The following MRGPRX3 variants were observed in gnomAD, a reference collection of about 807,000 sequenced individuals.
MRGPRX3 encodes MAS related GPR family member X3, also known as mas-related G protein-coupled receptor member X3.
A neutral mutation model predicts 16.5 loss-of-function variants in MRGPRX3; 14 were observed. The ratio of observed to expected loss-of-function variants is 0.85; its 90% confidence interval spans 0.56 to 1.33. MRGPRX3 has a LOEUF of 1.33. Ranked by LOEUF, MRGPRX3 falls within the 40% of genes most tolerant of loss-of-function variation. The pLI is 0.00. For synonymous variants in MRGPRX3, 199 were observed against 180.1 expected (o/e 1.10, Z -0.84); for missense variants, 449 against 413.0 (o/e 1.09, Z -0.76).
chr11:18,134,053 A>G (rs1380971847), intron 1 of MRGPRX3, among the ~76,000 whole-genome samples: 1 of 152,158 alleles, frequency 6.6e-6, no homozygotes, highest in Non-Finnish European at 1.5e-5. Context: ...GGCTTTCTCT[A>G]TCTGATTGAT....
At chr11:18,131,913 T>C (rs376545127), upstream of MRGPRX3, among the ~76,000 whole-genome samples, 223 of 152,022 alleles carry the variant, frequency 1.5e-3, no homozygotes, top group South Asian at 0.011. Flanking sequence ...AGGGGAAGGA[T>C]GGAAGAGAGG....
rs2134079573 is a variant in MRGPRX3 at position 18,125,021 on chromosome 11, G to A, written c.-152+3857G>A. ...CTGATGGTAGTTTGTATTTCTGTGG[G>A]ATCGATGGTGATATTCCCTTTATCA... On this transcript the variant is annotated intron_variant, in intron 1 of 2. Coordinates refer to the MRGPRX3 transcript ENST00000396275. Among the ~76,000 whole-genome samples, 3 of 152,252 alleles carry A rather than the reference G, an allele frequency of 2.0e-5. No homozygotes were observed. The South Asian group carries it at 6.2e-4, about 32-fold the overall frequency.
At chr11:18,130,287 C>T (rs1035610965), upstream of MRGPRX3, among the ~76,000 whole-genome samples, 2 of 152,136 alleles carry the variant, frequency 1.3e-5, no homozygotes, top group African/African-American at 2.4e-5. Context: ...ACCCTAAAGA[C>T]TCATCCAGAA....
chr11:18,136,894 TC>T (rs1849011652), intron 1 of MRGPRX3, among the ~76,000 whole-genome samples: 1 of 152,130 alleles, frequency 6.6e-6, no homozygotes, highest in South Asian at 2.1e-4. Context: ...AGAGTAATCA[TC>T]GGGTCCACAG....
At chr11:18,127,608 G>GT (rs1216682595), upstream of MRGPRX3, among the ~76,000 whole-genome samples, 1 of 152,212 alleles carries the variant, frequency 6.6e-6, no homozygotes, top group Non-Finnish European at 1.5e-5. Flanking sequence ...TCGTGCCGTG[G>GT]TTTTCAGCTC....
intron 1 of MRGPRX3, among the ~76,000 whole-genome samples, chr11:18,126,822 C>G (rs1401442838): frequency 6.6e-6 from 1 of 152,190 alleles, no homozygotes; most frequent in Non-Finnish European, 1.5e-5. Flanking sequence ...GACATGAACT[C>G]ATCGTTTTTT....
Position 18,137,425 on chromosome 11 carries a change from T to C in MRGPRX3, c.223T>C (p.Phe75Leu), listed in dbSNP as rs756611781. Residue 75 changes from phenylalanine (F) to leucine (L), a missense_variant, in exon 2 of 2, where the codon TTC (phenylalanine) becomes CTC (leucine). Transcript: ENST00000621697. ...CAACCTGGTCGCGGCCGACTTCCTC[T>C]TCCTTAGCGGCCACATTATATGTTC... is the stretch of plus-strand genomic sequence containing the variant. ...ILNLVAADFL[F>L]LSGHIICSPL... is the part of the protein sequence containing the mutation. 4 of 1,614,094 alleles carry C rather than the reference T, an allele frequency of 2.5e-6. No individual in the cohort carries two copies. The East Asian group carries it at 6.7e-5, about 27-fold the overall frequency.
chr11:18,130,762 C>T (rs1171151361), upstream of MRGPRX3, among the ~76,000 whole-genome samples: 1 of 149,024 alleles, frequency 6.7e-6, no homozygotes, highest in African/African-American at 2.5e-5. Flanking sequence ...CTGGAGGCAT[C>T]ACATTACCCA....
At chr11:18,122,553 A>G (rs1219222512) in intron 1 of MRGPRX3, among the ~76,000 whole-genome samples, 1 of 152,242 alleles carries the variant, frequency 6.6e-6, no homozygotes, top group Non-Finnish European at 1.5e-5. Flanking sequence ...TCCATGGTGT[A>G]TATGTGCCAC....
chr11:18,138,289 G>C lies in MRGPRX3; in HGVS notation c.*118G>C. ...CAGAAATGTCTCAGTGGTCCCTCAA[G>C]GTCTTCGAATAGATGTTTATCTAAC... On this transcript the variant is annotated 3_prime_UTR_variant, in exon 2 of 2. Transcript: ENST00000621697. The C allele has an allele frequency of 1.4e-6, 2 of 1,477,642 alleles. No individual in the cohort carries two copies. The highest frequency in any genetic ancestry group is 9.1e-7 in the Non-Finnish European group (1 of 1,102,874). 91.5% of individuals were successfully genotyped at this position (1,477,642 alleles called of 1,614,324 possible). A position where few individuals can be genotyped will look rare whatever the true frequency, so the allele number is the denominator to read the frequency against.
upstream of MRGPRX3, among the ~76,000 whole-genome samples, chr11:18,132,245 C>T (rs1421839572): frequency 6.6e-6 from 1 of 152,132 alleles, no homozygotes. Context: ...GAATATATCA[C>T]CACTATGATA....
chr11:18,126,869 G>C, intron 1 of MRGPRX3, among the ~76,000 whole-genome samples: 1 of 152,036 alleles, frequency 6.6e-6, no homozygotes, highest in East Asian at 1.9e-4. Context: ...TATGTGCCAC[G>C]TTTTCTTAAT....
upstream of MRGPRX3, chr11:18,132,423 T>C (rs1375673773): frequency 6.6e-6 from 1 of 152,162 alleles, no homozygotes; most frequent in South Asian, 2.1e-4. Flanking sequence ...TTACAGGAAG[T>C]TGAACAAGAT....
upstream of MRGPRX3, among the ~76,000 whole-genome samples, chr11:18,127,605 G>T (rs200698613): frequency 6.6e-6 from 1 of 152,118 alleles, no homozygotes; most frequent in Non-Finnish European, 1.5e-5. Context: ...TTCTCGTGCC[G>T]TGGTTTTCAG....
At chr11:18,127,363 T>C (rs1848911337) in intron 1 of MRGPRX3, among the ~76,000 whole-genome samples, 1 of 152,192 alleles carries the variant, frequency 6.6e-6, no homozygotes, top group South Asian at 2.1e-4. Context: ...TCCTGCAGAG[T>C]GTTTTCCAGC....
At chr11:18,122,346 T>A (rs1848848720) in intron 1 of MRGPRX3, among the ~76,000 whole-genome samples, 1 of 151,818 alleles carries the variant, frequency 6.6e-6, no homozygotes, top group Non-Finnish European at 1.5e-5. Flanking sequence ...ATGCTATCCC[T>A]CCCACGACAG....
At chr11:18,129,562 A>T (rs1392818154), upstream of MRGPRX3, among the ~76,000 whole-genome samples, 1 of 152,216 alleles carries the variant, frequency 6.6e-6, no homozygotes, top group Non-Finnish European at 1.5e-5. Context: ...ATTGCCAACA[A>T]AAAGTACAAG....
chr11:18,126,163 C>T (rs993783600), intron 1 of MRGPRX3, among the ~76,000 whole-genome samples: 1 of 152,144 alleles, frequency 6.6e-6, no homozygotes, highest in African/African-American at 2.4e-5. Flanking sequence ...CAGTCTGTGT[C>T]TTTTAATTGG....
At chr11:18,125,640 G>A (rs1377972749) in intron 1 of MRGPRX3, among the ~76,000 whole-genome samples, 2 of 152,174 alleles carry the variant, frequency 1.3e-5, no homozygotes, top group African/African-American at 4.8e-5. Context: ...GGTGTGATGT[G>A]GTGCTGAGAA....
Sources: gnomAD v4.1 joint callset for allele counts (sites outside exome capture counted in the v4.1 genomes callset) on GRCh38, gnomAD v4.1.1 for gene constraint, MANE v1.5 for transcripts, NCBI Gene and HGNC (gene_info 2026-07-23, HGNC 2026-07-21) for gene names.